SLCO2A1: variants seen among roughly 807,000 people sequenced by gnomAD.
SLCO2A1 encodes solute carrier organic anion transporter family member 2A1.
In SLCO2A1, 60 loss-of-function variants were observed where a neutral mutation model predicts 71.7. That is an observed-to-expected ratio of 0.84 (90% CI 0.68 to 1.04). SLCO2A1 has a LOEUF of 1.04. Ranked by LOEUF, SLCO2A1 falls within the 50% of genes least tolerant of loss-of-function variation. The pLI, the probability that SLCO2A1 is intolerant of heterozygous loss-of-function variation, is 0.00. For missense variants in SLCO2A1, 745 were observed against 813.4 expected (o/e 0.92, Z 1.02); for synonymous variants, 308 against 326.7 (o/e 0.94, Z 0.62).
In SLCO2A1 at chr3:133,986,951, C is replaced by T. The variant is rs1010441285; in HGVS notation, c.97-7333G>A. ...TTGTTAGGTCACAGTGGCATCTAAC[C>T]GTGGTTATAGGAACACCAGCGGAAG... On this transcript the variant is annotated intron_variant, in intron 1 of 13. Coordinates refer to ENST00000310926, the MANE Select transcript of SLCO2A1 (RefSeq NM_005630.3). Among the ~76,000 whole-genome samples, 3 of 152,242 alleles carry T rather than the reference C, an allele frequency of 2.0e-5. 1 individual carries two copies. The highest frequency in any genetic ancestry group is 4.2e-4 in the South Asian group (2 of 4,810).
chr3:133,981,392 G>A (rs1421372137), intron 1 of SLCO2A1, among the ~76,000 whole-genome samples: 3 of 152,164 alleles, frequency 2.0e-5, no homozygotes, highest in Non-Finnish European at 4.4e-5. Flanking sequence ...TCCCCCTTCT[G>A]TGCCCTGGGT....
At position 133,979,595 on chromosome 3, in the gene SLCO2A1, G is replaced by A. The variant is rs1411537668; in HGVS notation, c.120C>T (p.Leu40=). ...NIKVFVLCQG[L]LQLCQLLYSA... is the part of the protein sequence containing the mutation. ...TGTACAGGAGTTGGCAGAGCTGCAGGAGGCCTTGGCAGAGCACAAACACCT... is the reference window on the plus strand; with the variant it reads ...TGTACAGGAGTTGGCAGAGCTGCAGAAGGCCTTGGCAGAGCACAAACACCT... Residue 40 remains leucine (L), a synonymous_variant, in exon 2 of 14, where the codon CTC becomes CTT. Transcript: ENST00000310926. The A allele has an allele frequency of 5.6e-6, 9 of 1,613,694 alleles. No homozygotes were observed. Among genetic ancestry groups the A allele is most frequent in the East Asian group, 2.2e-5 (1 of 44,870 alleles).
At chr3:133,947,195 A>G in intron 9 of SLCO2A1, 61 bp downstream of exon 9, 1 of 1,420,832 alleles carries the variant, frequency 7.0e-7, no homozygotes, top group Non-Finnish European at 9.7e-7. Context: ...AAGATGTATA[A>G]CAGCCAGATC....
Position 133,993,467 on chromosome 3 carries a change from G to A in SLCO2A1, c.97-13849C>T, listed in dbSNP as rs542081451. 2.3e-3 allele frequency among the ~76,000 whole-genome samples: 348 copies of A among 151,990 alleles called. 2 individuals are homozygous for A. The highest frequency in any genetic ancestry group is 3.1e-3 in the Non-Finnish European group (209 of 67,952). Reference sequence around the variant, plus strand: ...CAGGGGGCCAAGGGTCTGGGCTTTAGATACCACAGATTGAAAAAAAATTCT... The same window carrying A: ...CAGGGGGCCAAGGGTCTGGGCTTTAAATACCACAGATTGAAAAAAAATTCT... On this transcript the variant is annotated intron_variant, in intron 1 of 13. Transcript: ENST00000310926.
intron 1 of SLCO2A1, among the ~76,000 whole-genome samples, chr3:134,012,310 GCT>G (rs1935361523): frequency 6.6e-6 from 1 of 152,154 alleles, no homozygotes; most frequent in Non-Finnish European, 1.5e-5. Context: ...AATGGGTTCT[GCT>G]AGCTTCAAGC....
chr3:133,995,385 G>A (rs1285397870), intron 1 of SLCO2A1, among the ~76,000 whole-genome samples: 1 of 152,142 alleles, frequency 6.6e-6, no homozygotes, highest in Non-Finnish European at 1.5e-5. Context: ...CCACCACCGT[G>A]GCTGCCTCTC....
At chr3:133,939,715 C>T (rs774642811) in intron 11 of SLCO2A1, among the ~76,000 whole-genome samples, 13 of 152,316 alleles carry the variant, frequency 8.5e-5, no homozygotes, top group Non-Finnish European at 1.8e-4. Flanking sequence ...CTTGTCTTGG[C>T]CCTTGCCCTG....
intron 1 of SLCO2A1, among the ~76,000 whole-genome samples, chr3:134,002,630 A>G (rs1935128294): frequency 6.6e-6 from 1 of 152,200 alleles, no homozygotes; most frequent in Non-Finnish European, 1.5e-5. Flanking sequence ...GTAATTACCT[A>G]GAGGGCTTGT....
At chr3:133,992,948 C>G (rs1392533925) in intron 1 of SLCO2A1, among the ~76,000 whole-genome samples, 2 of 152,196 alleles carry the variant, frequency 1.3e-5, no homozygotes, top group Admixed American at 6.5e-5. Flanking sequence ...AGTGTGGGTG[C>G]TGTCATGAGT....
chr3:133,972,881 A>G (rs758043662), intron 3 of SLCO2A1, among the ~76,000 whole-genome samples: 6 of 152,242 alleles, frequency 3.9e-5, no homozygotes, highest in Non-Finnish European at 7.3e-5. Flanking sequence ...TTCAGGAAAA[A>G]AAAATTAATC....
chr3:134,009,809 G>A (rs569917528), intron 1 of SLCO2A1, among the ~76,000 whole-genome samples: 8 of 152,364 alleles, frequency 5.3e-5, no homozygotes, highest in African/African-American at 1.9e-4. Context: ...AAATAGCAAA[G>A]TCTGGCTCAA....
intron 1 of SLCO2A1, among the ~76,000 whole-genome samples, chr3:134,018,157 G>T (rs1037195613): frequency 3.3e-5 from 5 of 151,606 alleles, no homozygotes; most frequent in African/African-American, 9.7e-5. Context: ...CTACAAGCAG[G>T]GGAAGCAGGC....
chr3:134,022,449 C>T (rs1935609246), intron 1 of SLCO2A1, among the ~76,000 whole-genome samples: 1 of 152,128 alleles, frequency 6.6e-6, no homozygotes. Flanking sequence ...AAGGTTTAAG[C>T]AAGTTTTAAA....
chr3:134,005,487 T>TTC (rs1434759314), intron 1 of SLCO2A1, among the ~76,000 whole-genome samples: 1 of 149,876 alleles, frequency 6.7e-6, no homozygotes, highest in Admixed American at 6.6e-5. Flanking sequence ...TATAATTTTT[T>TTC]TTTTTTTTTT....
chr3:133,951,474 A>G, intron 5 of SLCO2A1, 130 bp from the exon 6 acceptor site: 1 of 1,113,316 alleles, frequency 9.0e-7, no homozygotes, highest in Non-Finnish European at 1.3e-6. Flanking sequence ...GCCATGAGCT[A>G]GATTCTTGGT....
intron 1 of SLCO2A1, among the ~76,000 whole-genome samples, chr3:134,025,438 G>A (rs568502128): frequency 6.6e-6 from 1 of 152,182 alleles, no homozygotes; most frequent in South Asian, 2.1e-4. Flanking sequence ...CAAATGATAT[G>A]AGTAAAGTGC....
intron 1 of SLCO2A1, among the ~76,000 whole-genome samples, chr3:134,026,546 G>T (rs376775662): frequency 3.9e-5 from 6 of 152,136 alleles, no homozygotes; most frequent in African/African-American, 1.4e-4. Flanking sequence ...GGCCCCCTGA[G>T]AAAATCATAC....
intron 5 of SLCO2A1, among the ~76,000 whole-genome samples, chr3:133,952,518 C>T (rs1933770580): frequency 6.6e-6 from 1 of 152,194 alleles, no homozygotes; most frequent in African/African-American, 2.4e-5. Flanking sequence ...TTTGCCTGTC[C>T]CTCTGTTGTG....
rs1933461387 is a variant in SLCO2A1 at position 133,942,773 on chromosome 3, A to G, written c.1462-5T>C. On this transcript the variant is annotated splice_polypyrimidine_tract_variant and splice_region_variant and intron_variant, in intron 10 of 13. Coordinates refer to ENST00000310926, the MANE Select transcript of SLCO2A1 (RefSeq NM_005630.3). ...ACAGCTGCAGTTCAAATAGATCTTC[A>G]AGAGGAAGGGGAGGGAAAAAGGGGG... The G allele has an allele frequency of 6.3e-7, 1 of 1,597,148 alleles. No homozygotes were observed. Among genetic ancestry groups the G allele is most frequent in the Non-Finnish European group, 8.5e-7 (1 of 1,170,482 alleles).
Sources: allele counts gnomAD v4.1 joint callset (sites outside exome capture counted in the v4.1 genomes callset), GRCh38; gene constraint gnomAD v4.1.1; transcripts MANE v1.5; gene names NCBI Gene and HGNC (gene_info 2026-07-23, HGNC 2026-07-21).